The following NLRC4 variants were observed in gnomAD, a reference collection of about 807,000 sequenced individuals.
NLRC4 encodes NLR family CARD domain-containing protein 4.
In NLRC4, 63 loss-of-function variants were observed where a neutral mutation model predicts 79.9. That is an observed-to-expected ratio of 0.79 (90% CI 0.64 to 0.97). NLRC4 has a LOEUF of 0.97. Among genes scored for constraint, NLRC4 ranks in the 50% least tolerant of loss-of-function variants. The probability of loss-of-function intolerance (pLI) is 0.00; values close to 1 mark genes in which losing one functional copy is unlikely to be tolerated. For synonymous variants in NLRC4, 461 were observed against 456.5 expected, an observed-to-expected ratio of 1.01 and a Z score of -0.12; for missense variants, 1,074 against 1,215.2, an observed-to-expected ratio of 0.88 and a Z score of 1.73.
intron 2 of NLRC4, among the ~76,000 whole-genome samples, chr2:32,253,075 A>AT (rs1205447051): frequency 6.6e-6 from 1 of 152,018 alleles, no homozygotes; most frequent in Non-Finnish European, 1.5e-5. Context: ...AGGGCCATGC[A>AT]TTTTTTTCCT....
At chr2:32,232,806 A>G (rs2148932038) in intron 8 of NLRC4, among the ~76,000 whole-genome samples, 1 of 152,336 alleles carries the variant, frequency 6.6e-6, no homozygotes. Context: ...GATTAGGAGT[A>G]GATAGAAATA....
chr2:32,244,083 C>T (rs2148938271), intron 4 of NLRC4, among the ~76,000 whole-genome samples: 1 of 152,196 alleles, frequency 6.6e-6, no homozygotes, highest in Admixed American at 6.6e-5. Flanking sequence ...GAACTCGTCT[C>T]TACAAAAAAT....
intron 2 of NLRC4, among the ~76,000 whole-genome samples, chr2:32,253,801 C>A (rs1171558456): frequency 1.3e-5 from 2 of 151,734 alleles, no homozygotes; most frequent in African/African-American, 2.4e-5. Flanking sequence ...CTTGTCTCTA[C>A]TAAAAATGCA....
chr2:32,242,115 C>G (rs190534152), intron 4 of NLRC4, among the ~76,000 whole-genome samples: 179 of 152,238 alleles, frequency 1.2e-3, no homozygotes, highest in African/African-American at 3.5e-3. Context: ...ACAAGTGATC[C>G]TTTGGCCTCA....
At chr2:32,226,779 CTGAGGCAGGAGGATCACT>C (rs1413306095) in intron 8 of NLRC4, among the ~76,000 whole-genome samples, 1 of 151,968 alleles carries the variant, frequency 6.6e-6, no homozygotes, top group Non-Finnish European at 1.5e-5. Flanking sequence ...ATTCGGGAGG[CTGAGGCAGGAGGATCACT>C]TGAACCCAGG....
chr2:32,239,268 G>A (rs1170561489), intron 5 of NLRC4, among the ~76,000 whole-genome samples: 2 of 152,054 alleles, frequency 1.3e-5, no homozygotes, highest in African/African-American at 4.8e-5. Context: ...GCGACAGAGC[G>A]AGACTCCCAT....
At chr2:32,228,753 A>G (rs760071964) in intron 8 of NLRC4, among the ~76,000 whole-genome samples, 1 of 151,812 alleles carries the variant, frequency 6.6e-6, no homozygotes, top group Non-Finnish European at 1.5e-5. Context: ...GAACATGAAT[A>G]GGGTCTGCGA....
chr2:32,228,242 TC>T (rs1686449161), intron 8 of NLRC4, among the ~76,000 whole-genome samples: 1 of 152,134 alleles, frequency 6.6e-6, no homozygotes, highest in Non-Finnish European at 1.5e-5. Flanking sequence ...GCTTTCCCAC[TC>T]CACTTTGTTC....
intron 4 of NLRC4, among the ~76,000 whole-genome samples, chr2:32,246,643 C>T (rs1013491827): frequency 1.3e-5 from 2 of 152,234 alleles, no homozygotes; most frequent in African/African-American, 4.8e-5. Context: ...GGCAGACATT[C>T]TCCTTTAGTG....
chr2:32,233,135 A>AG lies in NLRC4; in HGVS notation c.2782+2265dup. 5.5e-3 allele frequency among the ~76,000 whole-genome samples: 12 copies of AG among 2,192 alleles called. 1 individual carries two copies. The highest frequency in any genetic ancestry group is 0.036 in the African/African-American group (12 of 336). 1.4% of individuals were successfully genotyped at this position (2,192 alleles called of 152,430 possible). A position where few individuals can be genotyped will look rare whatever the true frequency, so the allele number is the denominator to read the frequency against. On this transcript the variant is annotated intron_variant, in intron 8 of 8. Transcript: ENST00000402280. Reference sequence around the variant, plus strand: ...AGAGAAAGAGAGGGGTGGGGGAGGGAGGAAGGAAGGAAGGAAGGAAGGAAG... The same window carrying AG: ...AGAGAAAGAGAGGGGTGGGGGAGGGAGGGAAGGAAGGAAGGAAGGAAGGAAG...
rs78123897 is a variant in NLRC4 at position 32,249,532 on chromosome 2, C to G, written c.2257+75G>C. 3.8e-3 allele frequency: 4,655 copies of G among 1,221,144 alleles called. 47 individuals are homozygous for G. The highest frequency in any genetic ancestry group is 0.029 in the Middle Eastern group (141 of 4,940). 75.6% of individuals were successfully genotyped at this position (1,221,144 alleles called of 1,614,324 possible). On this transcript the variant is annotated intron_variant, in intron 4 of 8. Transcript: ENST00000402280. ...CCCTTTAGAAGAAATAAAGTCTCCT[C>G]TCTCCTTTTCCAAATTTATACACTG...
At chr2:32,247,208 G>C (rs1292042030) in intron 4 of NLRC4, among the ~76,000 whole-genome samples, 1 of 152,196 alleles carries the variant, frequency 6.6e-6, no homozygotes. Flanking sequence ...GTAGGGCAGG[G>C]TGCCACTTGG....
chr2:32,230,803 CAT>C (rs1321516656), intron 8 of NLRC4, among the ~76,000 whole-genome samples: 12 of 152,140 alleles, frequency 7.9e-5, no homozygotes, highest in Admixed American at 7.9e-4. Context: ...GTTGCTGGGT[CAT>C]ATGACAACTC....
intron 4 of NLRC4, among the ~76,000 whole-genome samples, chr2:32,245,130 T>G (rs528471640): frequency 1.3e-5 from 2 of 151,842 alleles, no homozygotes; most frequent in South Asian, 2.1e-4. Context: ...GTCAACATGG[T>G]GAAACCCTGT....
At chr2:32,246,681 G>A (rs1044546440) in intron 4 of NLRC4, among the ~76,000 whole-genome samples, 7 of 152,210 alleles carry the variant, frequency 4.6e-5, no homozygotes, top group African/African-American at 7.2e-5. Context: ...AAGTATCCCC[G>A]TTACCCAGAA....
intron 1 of NLRC4, among the ~76,000 whole-genome samples, chr2:32,264,031 C>G (rs1687411237): frequency 6.6e-6 from 1 of 152,138 alleles, no homozygotes; most frequent in Non-Finnish European, 1.5e-5. Flanking sequence ...CTTCTGTCTC[C>G]AAATATCAGG....
At chr2:32,263,415 T>C (rs1687397978) in intron 1 of NLRC4, among the ~76,000 whole-genome samples, 1 of 152,250 alleles carries the variant, frequency 6.6e-6, no homozygotes, top group Non-Finnish European at 1.5e-5. Flanking sequence ...TCTTCCTTTC[T>C]AGTAAAAAGG....
At chr2:32,225,525 T>A (rs1686366856) in intron 8 of NLRC4, among the ~76,000 whole-genome samples, 2 of 152,042 alleles carry the variant, frequency 1.3e-5, no homozygotes, top group Non-Finnish European at 2.9e-5. Flanking sequence ...AAGTGAGTCT[T>A]GCAATAAGAA....
At chr2:32,259,320 C>G (rs1005164740) in intron 1 of NLRC4, among the ~76,000 whole-genome samples, 3 of 124,240 alleles carry the variant, frequency 2.4e-5, no homozygotes, top group African/African-American at 9.5e-5. Flanking sequence ...GTTGCCCAGG[C>G]TGGTCTCAAA....
Sources: gnomAD v4.1 joint callset for allele counts (sites outside exome capture counted in the v4.1 genomes callset) on GRCh38, gnomAD v4.1.1 for gene constraint, MANE v1.5 for transcripts, NCBI Gene and HGNC (gene_info 2026-07-23, HGNC 2026-07-21) for gene names.